Variants in UPF2 observed in about 807,000 individuals in gnomAD.
The protein encoded by UPF2 is UPF2 regulator of nonsense mediated mRNA decay, also known as regulator of nonsense transcripts 2.
A neutral mutation model predicts 141.4 loss-of-function variants in UPF2; 17 were observed. The ratio of observed to expected loss-of-function variants is 0.12; its 90% CI spans 0.08 to 0.18. UPF2 has a LOEUF of 0.18. UPF2 is among the 10% of genes least tolerant of loss of function. The probability of loss-of-function intolerance (pLI) is 1.00; values close to 1 mark genes in which losing one functional copy is unlikely to be tolerated. For synonymous variants in UPF2, 540 were observed against 498.0 expected (o/e 1.08, Z -1.12); for missense variants, 1,152 against 1,515.9 (o/e 0.76, Z 3.99).
At position 12,020,995 on chromosome 10, in the gene UPF2, T is replaced by C. The variant is rs143110696; in HGVS notation, c.1146-6811A>G. Among the ~76,000 whole-genome samples the C allele has an allele frequency of 8.5e-5, 13 of 152,340 alleles. No individual in the cohort carries two copies. In the East Asian group the frequency reaches 2.3e-3, roughly 27 times the overall value. On this transcript the variant is annotated intron_variant, in intron 3 of 21. Coordinates refer to ENST00000357604, the MANE Select transcript of UPF2 (RefSeq NM_015542.4). ...TTCCTCTTTTGGGTCCCTCTCTCGT[T>C]TGGATTTGACTTGGTAAATATTGAG... is the stretch of plus-strand genomic sequence containing the variant.
intron 3 of UPF2, among the ~76,000 whole-genome samples, chr10:12,022,893 G>A (rs1834343231): frequency 6.6e-6 from 1 of 152,036 alleles, no homozygotes; most frequent in Non-Finnish European, 1.5e-5. Context: ...GAAAAAGTCT[G>A]CATTCTACTT....
chr10:12,042,823 C>T (rs1834763921), upstream of UPF2: 1 of 152,196 alleles, frequency 6.6e-6, no homozygotes, highest in African/African-American at 2.4e-5. This position sits in a 1 kb window ranked among gnomAD's most constrained non-coding sequence, Gnocchi z 5.5. Flanking sequence ...CTCTCCCCTC[C>T]CCTCCCCCCA....
chr10:12,015,584 C>T (rs1444552589), intron 3 of UPF2, among the ~76,000 whole-genome samples: 1 of 152,124 alleles, frequency 6.6e-6, no homozygotes, highest in Non-Finnish European at 1.5e-5. Flanking sequence ...CACCTGTAAT[C>T]CCAGTTACTC....
chr10:12,020,896 G>A (rs1237668856), intron 3 of UPF2, among the ~76,000 whole-genome samples: 1 of 152,180 alleles, frequency 6.6e-6, no homozygotes, highest in Non-Finnish European at 1.5e-5. Flanking sequence ...CACTTTGTAT[G>A]TTACAGTGAA....
At chr10:11,972,973 T>C (rs1252148582) in intron 9 of UPF2, among the ~76,000 whole-genome samples, 2 of 152,228 alleles carry the variant, frequency 1.3e-5, no homozygotes, top group Non-Finnish European at 2.9e-5. Context: ...TCTTCCACAA[T>C]GGTTGAACTA....
chr10:11,939,038 A>G lies in UPF2; in HGVS notation c.3379-2326T>C, dbSNP rs1206947619. 6.6e-6 allele frequency among the ~76,000 whole-genome samples: 1 copy of G among 151,024 alleles called. No individual in the cohort carries two copies. The highest frequency in any genetic ancestry group is 1.5e-5 in the Non-Finnish European group (1 of 67,748). On this transcript the variant is annotated intron_variant, in intron 18 of 21. Coordinates refer to ENST00000357604, the MANE Select transcript of UPF2 (RefSeq NM_015542.4). The surrounding 1 kb of genome is among the most constrained non-coding windows in gnomAD (Gnocchi z 4.8). ...CAGGCACCCACCACCACAACCAGCTAATTTTTTGTATTTACTGGAGACGGG... is the reference window on the plus strand; with the variant it reads ...CAGGCACCCACCACCACAACCAGCTGATTTTTTGTATTTACTGGAGACGGG...
Position 11,979,224 on chromosome 10 carries a change from T to C in UPF2, c.1845-59A>G. 1 of 1,357,194 alleles carries C rather than the reference T, an allele frequency of 7.4e-7. No homozygotes were observed. The highest frequency in any genetic ancestry group is 1.0e-6 in the Non-Finnish European group (1 of 973,188). The allele number at this position is 1,357,194 out of a possible 1,614,324, so 84.1% of individuals were successfully genotyped here. ...AAGACATATCAAAAATAATTCATTT[T>C]AAAATTTAAACTTTTCAGATGTATT... On this transcript the variant is annotated intron_variant, in intron 8 of 21. Coordinates refer to ENST00000357604, the MANE Select transcript of UPF2 (RefSeq NM_015542.4). The surrounding 1 kb of genome is among the most constrained non-coding windows in gnomAD (Gnocchi z 6.2).
intron 12 of UPF2, among the ~76,000 whole-genome samples, chr10:11,958,898 C>T (rs1427575734): frequency 6.6e-6 from 1 of 151,932 alleles, no homozygotes; most frequent in South Asian, 2.1e-4. Context: ...TATGGAATAC[C>T]AGAGAGAAAG....
At chr10:11,968,175 A>C (rs987628252) in intron 9 of UPF2, among the ~76,000 whole-genome samples, 5 of 152,084 alleles carry the variant, frequency 3.3e-5, no homozygotes, top group African/African-American at 1.2e-4. Context: ...GCAAGACTCC[A>C]TCTCAAAAGA....
intron 11 of UPF2, among the ~76,000 whole-genome samples, chr10:11,961,980 C>T (rs1353174173): frequency 6.6e-6 from 1 of 152,106 alleles, no homozygotes; most frequent in Non-Finnish European, 1.5e-5. Flanking sequence ...TTAGTGAATG[C>T]CTGTTACATA....
At chr10:11,962,722 G>A (rs1334410197) in intron 11 of UPF2, among the ~76,000 whole-genome samples, 1 of 152,040 alleles carries the variant, frequency 6.6e-6, no homozygotes, top group East Asian at 1.9e-4. Context: ...ACTGCCACCA[G>A]GAAAAAAACT....
At chr10:11,960,698 A>T (rs985472738) in intron 11 of UPF2, among the ~76,000 whole-genome samples, 11 of 152,156 alleles carry the variant, frequency 7.2e-5, no homozygotes, top group African/African-American at 2.7e-4. Context: ...TGAACCCAGG[A>T]GTTCAAGGCC....
In UPF2 at chr10:11,956,873, T is replaced by A. The variant is rs1448363443; in HGVS notation, c.2371-350A>T. 1.3e-5 allele frequency among the ~76,000 whole-genome samples: 2 copies of A among 152,040 alleles called. No individual in the cohort carries two copies. Among genetic ancestry groups the A allele is most frequent in the Admixed American group, 6.6e-5 (1 of 15,250 alleles). ...TCTCACTCTGTCACCCAGGCTGGAG[T>A]GCAGTAGCGCAATCTTGACTCACTG... On this transcript the variant is annotated intron_variant, in intron 12 of 21. Coordinates refer to ENST00000357604, the MANE Select transcript of UPF2 (RefSeq NM_015542.4). This position sits in a 1 kb window ranked among gnomAD's most constrained non-coding sequence, Gnocchi z 4.2.
At position 11,943,142 on chromosome 10, in the gene UPF2, C is replaced by T; in HGVS notation, c.3201G>A (p.Glu1067=). Residue 1067 remains glutamate (E), a synonymous_variant, in exon 17 of 22, where the codon GAG becomes GAA. Coordinates refer to ENST00000357604, the MANE Select transcript of UPF2 (RefSeq NM_015542.4). ...TATTCTCTTCCTCCTCTTCTTCTCC[C>T]TCATCATCATCATTATCAGAACCCT... ...EEEGSDNDDD[E]GEEEEEENTD... The T allele has an allele frequency of 1.2e-6, 2 of 1,610,752 alleles. No individual in the cohort carries two copies. Among genetic ancestry groups the T allele is most frequent in the Non-Finnish European group, 1.7e-6 (2 of 1,178,894 alleles).
At chr10:11,933,461 T>A (rs1177689903) in intron 19 of UPF2, among the ~76,000 whole-genome samples, 1 of 152,200 alleles carries the variant, frequency 6.6e-6, no homozygotes, top group East Asian at 1.9e-4. Context: ...CTAATATTTT[T>A]AAAATTTAGT....
chr10:11,991,078 T>A (rs1240189759), intron 8 of UPF2, among the ~76,000 whole-genome samples: 1 of 151,326 alleles, frequency 6.6e-6, no homozygotes, highest in Non-Finnish European at 1.5e-5. Context: ...AAGTACAGCA[T>A]CAGTGCAAAG....
At position 11,940,752 on chromosome 10, in the gene UPF2, C is replaced by T. The variant is rs1832926861; in HGVS notation, c.3378+1913G>A. Among the ~76,000 whole-genome samples the T allele has an allele frequency of 6.6e-6, 1 of 152,230 alleles. No homozygotes were observed. Among genetic ancestry groups the T allele is most frequent in the Admixed American group, 6.5e-5 (1 of 15,280 alleles). ...TGACTGTCATCTCTCACCTGAATCA[C>T]TACAAAAGCCTTCTGTCCAGGCTCC... is the stretch of plus-strand genomic sequence containing the variant. On this transcript the variant is annotated intron_variant, in intron 18 of 21. Transcript: ENST00000357604. This position sits in a 1 kb window ranked among gnomAD's most constrained non-coding sequence, Gnocchi z 4.2.
At chr10:11,938,868 T>TTTTTTTTTTTTTGTTTTTTTTTTTTTTG (rs1675605285) in intron 18 of UPF2, among the ~76,000 whole-genome samples, 1 of 90,818 alleles carries the variant, frequency 1.1e-5, no homozygotes, top group African/African-American at 3.7e-5. Context: ...TTTTTTTTTT[T>TTTTTTTTTTTTTGTTTTTTTTTTTTTTG]TTTTTTTTTT....
At chr10:12,004,300 T>G (rs1321043425) in intron 5 of UPF2, among the ~76,000 whole-genome samples, 1 of 152,118 alleles carries the variant, frequency 6.6e-6, no homozygotes, top group Non-Finnish European at 1.5e-5. Flanking sequence ...AACAAACACT[T>G]TCCAATTAAT....
Sources: allele counts gnomAD v4.1 joint callset (sites outside exome capture counted in the v4.1 genomes callset), GRCh38; gene constraint gnomAD v4.1.1; non-coding constraint Gnocchi (gnomAD v3.1); transcripts MANE v1.5; gene names NCBI Gene and HGNC (gene_info 2026-07-23, HGNC 2026-07-21).